Variants in ZFHX3 observed in about 807,000 individuals in gnomAD.
ZFHX3 encodes the protein zinc finger homeobox 3.
Under a neutral mutation model 279.1 loss-of-function variants are expected in ZFHX3, and 42 were observed. That is an observed-to-expected ratio of 0.15 (90% CI 0.12 to 0.19). The LOEUF is 0.19. Among genes scored for constraint, ZFHX3 ranks in the 10% least tolerant of loss-of-function variants. ZFHX3 has a pLI of 1.00. For missense variants in ZFHX3, 4,981 were observed against 4,754.0 expected (o/e 1.05, Z -1.40); for synonymous variants, 2,293 against 1,957.8 (o/e 1.17, Z -4.52).
chr16:72,793,204 C>A lies in ZFHX3; in HGVS notation c.9427+51G>T. 1.9e-6 allele frequency: 3 copies of A among 1,546,854 alleles called. No individual in the cohort carries two copies. The South Asian group carries it at 3.8e-5, about 20-fold the overall frequency. ...TGGGTGGTATCCACATAACAGAATG[C>A]TGACTGGGCAGCTATTTAGCCCTGA... On this transcript the variant is annotated intron_variant, in intron 9 of 9. Transcript: ENST00000268489. The surrounding 1 kb of genome is among the most constrained non-coding windows in gnomAD (Gnocchi z 4.3).
rs180771895 is a variant in ZFHX3 at position 73,331,688 on chromosome 16, T to G, written c.-1290-13352A>C. Among the ~76,000 whole-genome samples the G allele has an allele frequency of 2.3e-3, 345 of 152,346 alleles. 1 individual carries two copies. The highest frequency in any genetic ancestry group is 3.7e-3 in the Admixed American group (57 of 15,308). ...ATCATGAGCTGTTGATATAGTATAC[T>G]AAAATAACACATTTGTACGCCAGTT... is the stretch of plus-strand genomic sequence containing the variant. On this transcript the variant is annotated intron_variant, in intron 3 of 17. Transcript: ENST00000641206.
intron 1 of ZFHX3, among the ~76,000 whole-genome samples, chr16:73,772,730 AC>A (rs2054032521): frequency 1.3e-5 from 2 of 152,070 alleles, no homozygotes; most frequent in South Asian, 4.1e-4. Context: ...GGTATTCTTC[AC>A]CTGGCCATTT....
intron 2 of ZFHX3, among the ~76,000 whole-genome samples, chr16:73,620,327 T>C (rs997810393): frequency 1.3e-5 from 2 of 152,184 alleles, no homozygotes; most frequent in Non-Finnish European, 2.9e-5. Context: ...ATTTCAAGTG[T>C]CAAAGAACAT....
At chr16:73,393,504 G>A (rs2017062434) in intron 3 of ZFHX3, among the ~76,000 whole-genome samples, 3 of 152,170 alleles carry the variant, frequency 2.0e-5, no homozygotes, top group Admixed American at 1.3e-4. Flanking sequence ...ACTCAGATTT[G>A]AAGCAGAGAT....
rs201772357 is a variant in ZFHX3, at chr16:72,787,726, C to T, written c.10550G>A (p.Gly3517Asp). Reference protein sequence around the residue: ...GGGGGGSGGGGGGGGGGGGGG... With the variant: ...GGGGGGSGGGDGGGGGGGGGG... Reference sequence around the variant, plus strand: ...GCCGCCGCCGCCGCCGCCACCGCCGCCGCCGCCGCCACTGCCACCGCCGCC... The same window carrying T: ...GCCGCCGCCGCCGCCGCCACCGCCGTCGCCGCCGCCACTGCCACCGCCGCC... The change falls in exon 10 of 10, where the codon GGC (glycine) becomes GAC (aspartate). Residue 3517 changes from glycine (G) to aspartate (D), a missense_variant. Coordinates refer to ENST00000268489, the MANE Select transcript of ZFHX3 (RefSeq NM_006885.4). 50,239 of 1,398,206 alleles carry T rather than the reference C, an allele frequency of 0.036. 1,548 individuals carry two copies. Among genetic ancestry groups the T allele is most frequent in the Non-Finnish European group, 0.039 (41,874 of 1,070,664 alleles). The allele number at this position is 1,398,206 out of a possible 1,614,324, so 86.6% of individuals were successfully genotyped here. A position where few individuals can be genotyped will look rare whatever the true frequency, so the allele number is the denominator to read the frequency against.
chr16:73,643,320 C>T (rs2052590197), intron 2 of ZFHX3, among the ~76,000 whole-genome samples: 1 of 152,104 alleles, frequency 6.6e-6, no homozygotes, highest in Non-Finnish European at 1.5e-5. Flanking sequence ...TGAATGAACC[C>T]TTTTCTGGAG....
intron 3 of ZFHX3, among the ~76,000 whole-genome samples, chr16:72,937,933 T>A (rs1054836294): frequency 1.3e-5 from 2 of 152,242 alleles, no homozygotes; most frequent in African/African-American, 2.4e-5. Flanking sequence ...GCAAAGAAAC[T>A]TGCTGTCAGT....
intron 1 of ZFHX3, among the ~76,000 whole-genome samples, chr16:73,842,803 C>T (rs2142371596): frequency 6.6e-6 from 1 of 152,290 alleles, no homozygotes; most frequent in Non-Finnish European, 1.5e-5. Context: ...CTTTGTTTCT[C>T]TAAAATGCAG....
chr16:73,377,783 C>T (rs1406818709), intron 3 of ZFHX3, among the ~76,000 whole-genome samples: 2 of 151,602 alleles, frequency 1.3e-5, no homozygotes, highest in African/African-American at 4.8e-5. Flanking sequence ...CCTGTAATCC[C>T]AGCACTTTGG....
chr16:73,413,707 T>C (rs138536572), intron 3 of ZFHX3, among the ~76,000 whole-genome samples: 131 of 152,316 alleles, frequency 8.6e-4, no homozygotes, highest in Non-Finnish European at 1.4e-3. Flanking sequence ...CATCCATCCA[T>C]CTATCCATCC....
intron 7 of ZFHX3, among the ~76,000 whole-genome samples, chr16:73,097,231 A>ATTTTTTTTTTT (rs376018253): frequency 3.9e-5 from 5 of 126,722 alleles, no homozygotes; most frequent in African/African-American, 1.6e-4. Flanking sequence ...GCTAATTTTA[A>ATTTTTTTTTTT]TTTTTTTTTT....
chr16:73,379,629 G>A (rs1019850698), intron 3 of ZFHX3, among the ~76,000 whole-genome samples: 3 of 152,172 alleles, frequency 2.0e-5, no homozygotes, highest in Admixed American at 6.5e-5. Context: ...AGCTATCAAT[G>A]TAAGCAGAAA....
At chr16:73,609,901 C>G (rs1030563778) in intron 2 of ZFHX3, 12 of 152,226 alleles carry the variant, frequency 7.9e-5, no homozygotes, top group African/African-American at 2.6e-4. Flanking sequence ...ATTGGTCAAT[C>G]TGAAATGTGT....
At chr16:73,302,752 T>C (rs1220040424) in intron 4 of ZFHX3, among the ~76,000 whole-genome samples, 1 of 152,284 alleles carries the variant, frequency 6.6e-6, no homozygotes, top group Non-Finnish European at 1.5e-5. Context: ...TGGGTGACGA[T>C]GACCATCTGA....
At position 73,151,542 on chromosome 16, in the gene ZFHX3, G is replaced by C. The variant is rs114329479; in HGVS notation, c.-1103-7711C>G. Among the ~76,000 whole-genome samples, 960 of 149,132 alleles carry C rather than the reference G, an allele frequency of 6.4e-3. 7 individuals are homozygous for C. The highest frequency in any genetic ancestry group is 0.022 in the African/African-American group (886 of 40,098). On this transcript the variant is annotated intron_variant, in intron 5 of 17. Coordinates refer to the ZFHX3 transcript ENST00000641206. The stretch of plus-strand genomic sequence containing the variant: ...TGCCTCCTGCTCGGTGGGAAAGAAT[G>C]TCGTGATTGATTGGTGATACCTGCC...
chr16:73,438,724 T>A (rs1242688346), intron 3 of ZFHX3, among the ~76,000 whole-genome samples: 1 of 152,208 alleles, frequency 6.6e-6, no homozygotes, highest in African/African-American at 2.4e-5. Context: ...AAATTAGAAT[T>A]TCAGAACCTC....
chr16:73,589,451 G>C (rs1002567574), intron 2 of ZFHX3, among the ~76,000 whole-genome samples: 12 of 143,438 alleles, frequency 8.4e-5, no homozygotes, highest in African/African-American at 3.1e-4. Flanking sequence ...AAAAAAAAAG[G>C]CTGGGCACGG....
At chr16:73,665,429 G>C (rs966850093) in intron 2 of ZFHX3, among the ~76,000 whole-genome samples, 1 of 151,610 alleles carries the variant, frequency 6.6e-6, no homozygotes, top group African/African-American at 2.4e-5. Context: ...GGCCAGGCTG[G>C]CCTCGAACTC....
intron 1 of ZFHX3, among the ~76,000 whole-genome samples, chr16:73,790,329 T>C (rs1160155270): frequency 6.6e-6 from 1 of 152,040 alleles, no homozygotes; most frequent in African/African-American, 2.4e-5. Context: ...GATACAGTTG[T>C]CTATTAAAAA....
Sources: gnomAD v4.1 joint callset for allele counts (sites outside exome capture counted in the v4.1 genomes callset) on GRCh38, gnomAD v4.1.1 for gene constraint, Gnocchi (gnomAD v3.1) non-coding constraint, MANE v1.5 for transcripts, NCBI Gene and HGNC (gene_info 2026-07-23, HGNC 2026-07-21) for gene names.